Variants in EDA observed in about 807,000 individuals in gnomAD.
EDA encodes the protein ectodysplasin-A.
A neutral mutation model predicts 23.6 loss-of-function variants in EDA; 2 were observed. That is an observed-to-expected ratio of 0.08 (90% confidence interval 0.03 to 0.27). The LOEUF (loss-of-function observed/expected upper bound fraction) is 0.27, where lower values mean the gene tolerates loss of function less well. Among genes scored for constraint, EDA ranks in the 10% least tolerant of loss-of-function variants. The probability of loss-of-function intolerance (pLI) is 1.00; values close to 1 mark genes in which losing one functional copy is unlikely to be tolerated. For missense variants in EDA, 229 were observed against 324.2 expected (o/e 0.71, Z 2.26); for synonymous variants, 131 against 132.0 (o/e 0.99, Z 0.05).
chrX:69,714,591 A>G (rs753934960), intron 1 of EDA, among the ~76,000 whole-genome samples: 1 of 111,994 alleles, frequency 8.9e-6, no homozygotes, highest in South Asian at 3.7e-4. Flanking sequence ...TGTGAAGATT[A>G]TTTCAGGGTT....
intron 1 of EDA, among the ~76,000 whole-genome samples, chrX:69,840,430 C>G: frequency 8.9e-6 from 1 of 111,895 alleles, no homozygotes; most frequent in Non-Finnish European, 1.9e-5. Context: ...GAATACAGAA[C>G]AGTGCCTGGC....
At chrX:69,919,163 A>G (rs2018390110) in intron 1 of EDA, among the ~76,000 whole-genome samples, 1 of 111,970 alleles carries the variant, frequency 8.9e-6, no homozygotes, top group South Asian at 3.7e-4. Context: ...GGATTGATTT[A>G]TGAGCAAAGA....
chrX:69,888,638 A>G (rs1280052159), intron 1 of EDA, among the ~76,000 whole-genome samples: 1 of 109,192 alleles, frequency 9.2e-6, no homozygotes, highest in African/African-American at 3.3e-5. Flanking sequence ...AAAAGAGAGC[A>G]GGAGTAGCTG....
At chrX:70,009,620 T>A (rs1415483195) in intron 2 of EDA, among the ~76,000 whole-genome samples, 4 of 111,803 alleles carry the variant, frequency 3.6e-5, no homozygotes, top group African/African-American at 1.3e-4. Flanking sequence ...GGAGTCTCGC[T>A]CTGTCTCCCA....
chrX:69,845,372 G>T (rs2016985922), intron 1 of EDA, among the ~76,000 whole-genome samples: 1 of 111,773 alleles, frequency 8.9e-6, no homozygotes, highest in African/African-American at 3.3e-5. Flanking sequence ...GGATTTTGTG[G>T]ATAGTTATTC....
At chrX:69,833,240 T>A (rs1255151988) in intron 1 of EDA, among the ~76,000 whole-genome samples, 5 of 111,907 alleles carry the variant, frequency 4.5e-5, no homozygotes, top group African/African-American at 1.6e-4. Flanking sequence ...TTGAGAGTTT[T>A]TAGCATGAAG....
intron 1 of EDA, among the ~76,000 whole-genome samples, chrX:69,862,095 G>A (rs770361810): frequency 5.4e-5 from 6 of 111,724 alleles, no homozygotes; most frequent in Non-Finnish European, 1.1e-4. Context: ...TGAGGTTGCT[G>A]TTAGGAAGAC....
intron 1 of EDA, among the ~76,000 whole-genome samples, chrX:69,826,210 T>C (rs2016429469): frequency 1.8e-5 from 2 of 111,758 alleles, no homozygotes; most frequent in African/African-American, 6.5e-5. Context: ...AGATGTCTAA[T>C]AGGTCTGCTT....
intron 1 of EDA, among the ~76,000 whole-genome samples, chrX:69,941,447 T>C (rs1389138129): frequency 9.0e-6 from 1 of 111,600 alleles, no homozygotes; most frequent in Non-Finnish European, 1.9e-5. Context: ...TATCTGGGTC[T>C]TCCAGTGTTG....
chrX:69,982,211 G>A (rs936132507), intron 2 of EDA, among the ~76,000 whole-genome samples: 16 of 111,606 alleles, frequency 1.4e-4, no homozygotes, highest in African/African-American at 4.9e-4. Context: ...ACTTAGAGCA[G>A]CTGCTATTGC....
At chrX:69,933,508 C>G (rs1021343401) in intron 1 of EDA, among the ~76,000 whole-genome samples, 2 of 110,671 alleles carry the variant, frequency 1.8e-5, no homozygotes, top group Non-Finnish European at 3.8e-5. Flanking sequence ...GGTGAAACAC[C>G]GTCTCTACTA....
chrX:69,750,805 G>T (rs1229509162), intron 1 of EDA, among the ~76,000 whole-genome samples: 1 of 112,041 alleles, frequency 8.9e-6, no homozygotes, highest in Non-Finnish European at 1.9e-5. Context: ...GTGTCTGTGG[G>T]CTGCATAAAT....
intron 1 of EDA, among the ~76,000 whole-genome samples, chrX:69,771,177 C>G (rs776010159): frequency 5.0e-5 from 3 of 59,642 alleles, no homozygotes; most frequent in South Asian, 5.9e-4. Flanking sequence ...CTGCCTCAGC[C>G]CCCCCAAGTC....
chrX:69,881,657 C>A (rs1344732595), intron 1 of EDA, among the ~76,000 whole-genome samples: 1 of 111,666 alleles, frequency 9.0e-6, no homozygotes, highest in African/African-American at 3.3e-5. Flanking sequence ...CTGCATTAGT[C>A]CATTTTGCGT....
At chrX:69,722,931 ATAGAG>A (rs2012644948) in intron 1 of EDA, among the ~76,000 whole-genome samples, 1 of 112,276 alleles carries the variant, frequency 8.9e-6, no homozygotes, top group Non-Finnish European at 1.9e-5. Flanking sequence ...CATTCCTTAC[ATAGAG>A]TAAATTAAAT....
At chrX:69,974,617 C>T (rs958770541) in intron 2 of EDA, among the ~76,000 whole-genome samples, 3 of 111,635 alleles carry the variant, frequency 2.7e-5, no homozygotes, top group Admixed American at 1.9e-4. Context: ...ACAGAGCAAA[C>T]AGACAACCTA....
intron 1 of EDA, among the ~76,000 whole-genome samples, chrX:69,726,837 C>T (rs1348849997): frequency 8.9e-6 from 1 of 112,312 alleles, no homozygotes; most frequent in Non-Finnish European, 1.9e-5. Flanking sequence ...GTGCACAAGC[C>T]TGGGCGAGTG....
At chrX:69,886,709 C>T (rs2017834052) in intron 1 of EDA, among the ~76,000 whole-genome samples, 1 of 111,122 alleles carries the variant, frequency 9.0e-6, no homozygotes, top group Non-Finnish European at 1.9e-5. Flanking sequence ...CACCCAGGGA[C>T]CAGACAGGAT....
chrX:69,925,874 G>A (rs1289798091), intron 1 of EDA, among the ~76,000 whole-genome samples: 1 of 104,779 alleles, frequency 9.5e-6, no homozygotes, highest in Non-Finnish European at 2.0e-5. Context: ...ATTTCTTCCT[G>A]GTTTAGTCTT....
Sources: gnomAD v4.1 joint callset for allele counts (sites outside exome capture counted in the v4.1 genomes callset) on GRCh38, gnomAD v4.1.1 for gene constraint, MANE v1.5 for transcripts, NCBI Gene and HGNC (gene_info 2026-07-23, HGNC 2026-07-21) for gene names.